Variants in CCDC3 observed in about 807,000 individuals in gnomAD.
CCDC3 encodes the protein coiled-coil domain-containing protein 3.
In CCDC3, 24 loss-of-function variants were observed where a neutral mutation model predicts 21.4. The observed-to-expected ratio is 1.12, with a 90% CI of 0.81 to 1.58. The LOEUF (loss-of-function observed/expected upper bound fraction) is 1.58. Among genes scored for constraint, CCDC3 ranks in the 40% most tolerant of loss-of-function variants. CCDC3 has a pLI of 0.00. For synonymous variants in CCDC3, 186 were observed against 166.0 expected (o/e 1.12, Z -0.93); for missense variants, 425 against 360.9 (o/e 1.18, Z -1.44).
rs543645124 is a variant in CCDC3 at position 12,968,558 on chromosome 10, G to T, written c.549+29780C>A. On this transcript the variant is annotated intron_variant, in intron 2 of 2. Transcript: ENST00000378825. ...ATACATCAAAGTATAAAACTCATTTGTAAAAGTAAGTAGTCAAATTCAGAA... is the reference window on the plus strand; with the variant it reads ...ATACATCAAAGTATAAAACTCATTTTTAAAAGTAAGTAGTCAAATTCAGAA... 2.6e-5 allele frequency among the ~76,000 whole-genome samples: 4 copies of T among 152,304 alleles called. No homozygotes were observed. The South Asian group carries it at 8.3e-4, about 32-fold the overall frequency.
intron 5 of CCDC3, among the ~76,000 whole-genome samples, chr10:13,020,082 G>GA (rs1393186682): frequency 1.3e-5 from 2 of 152,138 alleles, no homozygotes; most frequent in Admixed American, 1.3e-4. Context: ...TAGGACCTTG[G>GA]AAAATACTTT....
intron 2 of CCDC3, among the ~76,000 whole-genome samples, chr10:12,984,778 T>G (rs959902907): frequency 2.0e-5 from 3 of 152,194 alleles, no homozygotes; most frequent in Non-Finnish European, 2.9e-5. Context: ...TTATGCTAAG[T>G]GAGACTTGCC....
At chr10:13,064,013 C>T (rs962969155) in intron 4 of CCDC3, among the ~76,000 whole-genome samples, 24 of 152,062 alleles carry the variant, frequency 1.6e-4, no homozygotes, top group East Asian at 7.7e-4. Context: ...CTGCAACCTC[C>T]GCCTCCCTGA....
At chr10:13,034,197 G>A (rs1339763975) in intron 5 of CCDC3, among the ~76,000 whole-genome samples, 1 of 152,022 alleles carries the variant, frequency 6.6e-6, no homozygotes, top group African/African-American at 2.4e-5. Context: ...TTGTAGGGAC[G>A]TGGATGAAGC....
intron 5 of CCDC3, among the ~76,000 whole-genome samples, chr10:13,042,308 C>T (rs1416889378): frequency 2.6e-5 from 4 of 152,218 alleles, no homozygotes; most frequent in African/African-American, 9.6e-5. Context: ...TGGACTACGG[C>T]TTGGGAACTA....
chr10:13,061,690 G>A (rs1133848), intron 4 of CCDC3, among the ~76,000 whole-genome samples: 93,438 of 152,072 alleles, frequency 0.61, 29,140 homozygotes, highest in African/African-American at 0.72. Context: ...TCAGGCTACA[G>A]ATAAACTTAA....
intron 2 of CCDC3, among the ~76,000 whole-genome samples, chr10:12,938,633 T>TAATCCC (rs1234087686): frequency 7.9e-5 from 12 of 152,230 alleles, no homozygotes; most frequent in African/African-American, 2.9e-4. Flanking sequence ...AGAGTTGAGT[T>TAATCCC]AATGTGCAAA....
At chr10:13,002,044 C>T (rs1457769709), upstream of CCDC3, among the ~76,000 whole-genome samples, 1 of 152,232 alleles carries the variant, frequency 6.6e-6, no homozygotes, top group Non-Finnish European at 1.5e-5. Flanking sequence ...TAAGTTTTTA[C>T]ATTTTCTCTA....
At chr10:13,098,883 A>C (rs1201871670) in intron 2 of CCDC3, among the ~76,000 whole-genome samples, 3 of 151,386 alleles carry the variant, frequency 2.0e-5, no homozygotes, top group South Asian at 2.1e-4. Context: ...TGCCCGGCTA[A>C]TTTTTGTATT....
chr10:13,051,137 G>A (rs967003971), intron 4 of CCDC3, among the ~76,000 whole-genome samples: 1 of 152,114 alleles, frequency 6.6e-6, no homozygotes, highest in African/African-American at 2.4e-5. Flanking sequence ...ATTCCTTTGA[G>A]TTATTATTCA....
intron 2 of CCDC3, among the ~76,000 whole-genome samples, chr10:12,927,501 T>TAG (rs75344626): frequency 0.053 from 8,020 of 152,318 alleles, 235 homozygotes; most frequent in Non-Finnish European, 0.071. Flanking sequence ...GCTAAAGCTC[T>TAG]AGTCTCTTTT....
At chr10:12,944,440 T>C (rs1251517072) in intron 2 of CCDC3, among the ~76,000 whole-genome samples, 2 of 152,260 alleles carry the variant, frequency 1.3e-5, no homozygotes, top group Non-Finnish European at 2.9e-5. Flanking sequence ...TGTTTGAATC[T>C]GCCTCTGACC....
chr10:13,088,722 A>T (rs555317193), intron 3 of CCDC3, among the ~76,000 whole-genome samples: 1 of 152,318 alleles, frequency 6.6e-6, no homozygotes, highest in African/African-American at 2.4e-5. Context: ...AAGCATTTTT[A>T]AAAAATTAAC....
intron 1 of CCDC3, among the ~76,000 whole-genome samples, 181 bp downstream of exon 1, chr10:13,001,016 T>C (rs907149392): frequency 3.9e-5 from 6 of 152,106 alleles, no homozygotes; most frequent in African/African-American, 1.4e-4. Context: ...AGTCAGGATG[T>C]CTGTAGAGAC....
intron 3 of CCDC3, among the ~76,000 whole-genome samples, chr10:13,086,165 C>A (rs1459868999): frequency 6.6e-6 from 1 of 152,000 alleles, no homozygotes; most frequent in Non-Finnish European, 1.5e-5. Context: ...AAAGATGGCG[C>A]ATATGAGAAA....
intron 4 of CCDC3, among the ~76,000 whole-genome samples, chr10:13,063,598 C>A (rs17152790): frequency 2.0e-5 from 3 of 152,144 alleles, no homozygotes; most frequent in Non-Finnish European, 2.9e-5. Flanking sequence ...TTCAAAGCCA[C>A]GTAAATAGTA....
At chr10:13,063,079 C>G (rs954756397) in intron 4 of CCDC3, among the ~76,000 whole-genome samples, 1 of 19,902 alleles carries the variant, frequency 5.0e-5, no homozygotes, top group African/African-American at 2.5e-4. Flanking sequence ...GACCAATCAG[C>G]ACTCCTGGCT....
rs535787658 is a variant in CCDC3, at chr10:13,032,621, C to T, written c.-2+17053G>A. 4.6e-5 allele frequency among the ~76,000 whole-genome samples: 7 copies of T among 152,218 alleles called. No individual in the cohort carries two copies. The South Asian group carries it at 6.2e-4, about 14-fold the overall frequency. ...CATCTCAGCCCAAAATCTCCTTAAG[C>T]GGATAAGCAACTTCAGCAAAGTCTC... On this transcript the variant is annotated intron_variant, in intron 5 of 6. Transcript: ENST00000378839.
Position 12,989,563 on chromosome 10 carries a change from A to C in CCDC3, c.549+8775T>G, listed in dbSNP as rs1224223242. 2.0e-5 allele frequency among the ~76,000 whole-genome samples: 3 copies of C among 152,134 alleles called. No homozygotes were observed. In the East Asian group the frequency reaches 5.8e-4, roughly 29 times the overall value. On this transcript the variant is annotated intron_variant, in intron 2 of 2. Coordinates refer to ENST00000378825, the MANE Select transcript of CCDC3 (RefSeq NM_031455.4). ...CAGCCTCCTGAGTAGCTGGGATTACAGGCACGTGCCACCACACCTGGCTAA... is the reference window on the plus strand; with the variant it reads ...CAGCCTCCTGAGTAGCTGGGATTACCGGCACGTGCCACCACACCTGGCTAA...
Sources: gnomAD v4.1 joint callset for allele counts (sites outside exome capture counted in the v4.1 genomes callset) on GRCh38, gnomAD v4.1.1 for gene constraint, MANE v1.5 for transcripts, NCBI Gene and HGNC (gene_info 2026-07-23, HGNC 2026-07-21) for gene names.